The following ABHD6 variants were observed in gnomAD, a reference collection of about 807,000 sequenced individuals.
The protein encoded by ABHD6 is abhydrolase domain containing 6, acylglycerol lipase.
Under a neutral mutation model 38.8 loss-of-function variants are expected in ABHD6, and 33 were observed. The observed-to-expected ratio is 0.85, with a 90% confidence interval of 0.64 to 1.14. The LOEUF (loss-of-function observed/expected upper bound fraction) is 1.14, where lower values mean the gene tolerates loss of function less well. Among genes scored for constraint, ABHD6 ranks in the 50% most tolerant of loss-of-function variants. The pLI is 0.00. For synonymous variants in ABHD6, 147 were observed against 161.6 expected (o/e 0.91, Z 0.69); for missense variants, 380 against 422.6 (o/e 0.90, Z 0.88).
At chr3:58,271,582 C>T (rs2097444890) in intron 6 of ABHD6, among the ~76,000 whole-genome samples, 1 of 151,654 alleles carries the variant, frequency 6.6e-6, no homozygotes, top group Admixed American at 6.6e-5. Flanking sequence ...AAAAAAAATC[C>T]AGCTTTAGTT....
At position 58,287,404 on chromosome 3, in the gene ABHD6, C is replaced by T. The variant is rs1469993645; in HGVS notation, c.837+1951C>T. On this transcript the variant is annotated intron_variant, in intron 9 of 9. Coordinates refer to ENST00000478253, the MANE Select transcript of ABHD6 (RefSeq NM_001320126.2). This position sits in a 1 kb window ranked among gnomAD's most constrained non-coding sequence, Gnocchi z 4.7. ...CAAAGACCCACAAGTGCATGAATGA[C>T]CCAGGCAGGAGAGAGTGGGGAGGAG... is the stretch of plus-strand genomic sequence containing the variant. Among the ~76,000 whole-genome samples the T allele has an allele frequency of 6.6e-6, 1 of 152,138 alleles. No homozygotes were observed. The highest frequency in any genetic ancestry group is 1.5e-5 in the Non-Finnish European group (1 of 68,034).
At chr3:58,270,843 T>C (rs2097444313) in intron 5 of ABHD6, 89 bp from the exon 6 acceptor site, 6 of 1,400,320 alleles carry the variant, frequency 4.3e-6, no homozygotes, top group Non-Finnish European at 5.7e-6. Context: ...CAGTTGTCCA[T>C]AGGAAGTCCA....
At position 58,285,527 on chromosome 3, in the gene ABHD6, C is replaced by T; in HGVS notation, c.837+74C>T. 2 of 1,311,948 alleles carry T rather than the reference C, an allele frequency of 1.5e-6. No homozygotes were observed. The highest frequency in any genetic ancestry group is 1.2e-5 in the South Asian group (1 of 83,698). 81.3% of individuals were successfully genotyped at this position (1,311,948 alleles called of 1,614,324 possible). A position where few individuals can be genotyped will look rare whatever the true frequency, so the allele number is the denominator to read the frequency against. ...GAGGAAAAACGTCCTTGAGGAAGAA[C>T]AAGTGGTTATTTATGGAGTGAGCTG... is the stretch of plus-strand genomic sequence containing the variant. On this transcript the variant is annotated intron_variant, in intron 9 of 9. Coordinates refer to ENST00000478253, the MANE Select transcript of ABHD6 (RefSeq NM_001320126.2). The surrounding 1 kb of genome is among the most constrained non-coding windows in gnomAD (Gnocchi z 4.9).
At chr3:58,252,712 G>T (rs1303334324) in intron 2 of ABHD6, among the ~76,000 whole-genome samples, 1 of 152,188 alleles carries the variant, frequency 6.6e-6, no homozygotes, top group African/African-American at 2.4e-5. Flanking sequence ...GGAAACTCAA[G>T]TTACACTTCT....
intron 7 of ABHD6, among the ~76,000 whole-genome samples, chr3:58,279,210 C>T (rs1380688602): frequency 1.3e-5 from 2 of 152,162 alleles, no homozygotes; most frequent in Admixed American, 6.5e-5. Context: ...GTGTTAAAGT[C>T]TCCCATTATT....
chr3:58,242,908 T>G (rs1026036166), intron 1 of ABHD6, among the ~76,000 whole-genome samples: 3 of 152,146 alleles, frequency 2.0e-5, no homozygotes, highest in African/African-American at 7.2e-5. Context: ...TGTGTAATGT[T>G]CCCCACCCTG....
chr3:58,267,492 C>G lies in ABHD6; in HGVS notation c.276+147C>G. ...CCAGCCTGGACAACATAAAGAAACC[C>G]TGTCTCTACAAAAAATTAAAAAATT... On this transcript the variant is annotated intron_variant, in intron 4 of 9. Coordinates refer to ENST00000478253, the MANE Select transcript of ABHD6 (RefSeq NM_001320126.2). This position sits in a 1 kb window ranked among gnomAD's most constrained non-coding sequence, Gnocchi z 4.3. The G allele has an allele frequency of 9.4e-7, 1 of 1,062,816 alleles. No individual in the cohort carries two copies. The highest frequency in any genetic ancestry group is 1.4e-6 in the Non-Finnish European group (1 of 737,012). 65.8% of individuals were successfully genotyped at this position (1,062,816 alleles called of 1,614,324 possible). A position where few individuals can be genotyped will look rare whatever the true frequency, so the allele number is the denominator to read the frequency against.
chr3:58,291,142 C>T (rs1202442415), intron 9 of ABHD6, among the ~76,000 whole-genome samples: 3 of 151,460 alleles, frequency 2.0e-5, no homozygotes, highest in Admixed American at 6.6e-5. Context: ...CTCCGGAGGC[C>T]GAGGCTGGCG....
At chr3:58,283,977 A>G (rs1026710045) in intron 7 of ABHD6, among the ~76,000 whole-genome samples, 1 of 152,208 alleles carries the variant, frequency 6.6e-6, no homozygotes, top group Non-Finnish European at 1.5e-5. Flanking sequence ...CATAGCAGCC[A>G]TGGCTGGTTC....
chr3:58,250,310 C>A (rs549915251), intron 2 of ABHD6, among the ~76,000 whole-genome samples: 1 of 152,108 alleles, frequency 6.6e-6, no homozygotes, highest in East Asian at 1.9e-4. Context: ...GTGCTCTACA[C>A]CAAGGGGTCA....
At chr3:58,243,672 T>G (rs1048068925) in intron 1 of ABHD6, among the ~76,000 whole-genome samples, 5 of 151,846 alleles carry the variant, frequency 3.3e-5, no homozygotes, top group African/African-American at 1.2e-4. Flanking sequence ...AGTTTTCTTT[T>G]TTTTTTGAGA....
chr3:58,262,295 C>T (rs555698418), intron 3 of ABHD6, among the ~76,000 whole-genome samples: 40 of 152,176 alleles, frequency 2.6e-4, no homozygotes, highest in Non-Finnish European at 5.4e-4. Flanking sequence ...TGATCGTACA[C>T]TTGTTAAAAT....
chr3:58,258,369 A>C (rs1422510331), intron 3 of ABHD6: 2 of 442,910 alleles, frequency 4.5e-6, no homozygotes, highest in Admixed American at 4.9e-5. Flanking sequence ...AAACAGTCTT[A>C]TTAAATTGTA....
chr3:58,274,620 G>A (rs1250960388), intron 6 of ABHD6, 38 bp from the exon 7 acceptor site: 4 of 1,599,330 alleles, frequency 2.5e-6, no homozygotes, highest in Non-Finnish European at 2.6e-6. Flanking sequence ...GTAAGAAGGT[G>A]GATGTATCAT....
At position 58,251,919 on chromosome 3, in the gene ABHD6, G is replaced by A. The variant is rs975966264; in HGVS notation, c.-26+1977G>A. On this transcript the variant is annotated intron_variant, in intron 2 of 9. Transcript: ENST00000478253. The surrounding 1 kb of genome is among the most constrained non-coding windows in gnomAD (Gnocchi z 5.4). Reference sequence around the variant, plus strand: ...AACTCTATTAGGAAAGAAGATTCTTGTGGGAGCAAGCCAAATCCTACTCTT... The same window carrying A: ...AACTCTATTAGGAAAGAAGATTCTTATGGGAGCAAGCCAAATCCTACTCTT... 6.6e-6 allele frequency among the ~76,000 whole-genome samples: 1 copy of A among 152,214 alleles called. No homozygotes were observed. The highest frequency in any genetic ancestry group is 1.5e-5 in the Non-Finnish European group (1 of 68,042).
Position 58,267,721 on chromosome 3 carries a change from TG to T in ABHD6, c.276+377del, listed in dbSNP as rs2097442151. Among the ~76,000 whole-genome samples, 1 of 151,978 alleles carries T rather than the reference TG, an allele frequency of 6.6e-6. No individual in the cohort carries two copies. Among genetic ancestry groups the T allele is most frequent in the South Asian group, 2.1e-4 (1 of 4,808 alleles). On this transcript the variant is annotated intron_variant, in intron 4 of 9. Transcript: ENST00000478253. This position sits in a 1 kb window ranked among gnomAD's most constrained non-coding sequence, Gnocchi z 4.3. ...GAAAAGGGTTTCCACTAGGACATGATGTCATCAACAATGGTAGAAAGCAAAG... is the reference window on the plus strand; with the variant it reads ...GAAAAGGGTTTCCACTAGGACATGATTCATCAACAATGGTAGAAAGCAAAG...
rs2097440452 is a variant in ABHD6, at chr3:58,265,717, G to A, written c.120-1472G>A. On this transcript the variant is annotated intron_variant, in intron 3 of 9. Coordinates refer to ENST00000478253, the MANE Select transcript of ABHD6 (RefSeq NM_001320126.2). The surrounding 1 kb of genome is among the most constrained non-coding windows in gnomAD (Gnocchi z 4.2). Reference sequence around the variant, plus strand: ...GAAATTTGTTTGGCTTATTGTTCTGGAGGTTGGGAAGCCCAAGAGAATGGC... The same window carrying A: ...GAAATTTGTTTGGCTTATTGTTCTGAAGGTTGGGAAGCCCAAGAGAATGGC... Among the ~76,000 whole-genome samples, 1 of 152,186 alleles carries A rather than the reference G, an allele frequency of 6.6e-6. No individual in the cohort carries two copies.
At chr3:58,248,654 C>T (rs1198126018) in intron 1 of ABHD6, among the ~76,000 whole-genome samples, 2 of 152,008 alleles carry the variant, frequency 1.3e-5, no homozygotes, top group African/African-American at 2.4e-5. Flanking sequence ...GCTGAGATCG[C>T]GGCATTGCAC....
chr3:58,240,725 T>C (rs2097422188), intron 1 of ABHD6, among the ~76,000 whole-genome samples: 1 of 119,634 alleles, frequency 8.4e-6, no homozygotes, highest in Non-Finnish European at 1.6e-5. Context: ...CCACCAAACC[T>C]GGGTAATTTT....
Sources: gnomAD v4.1 joint callset for allele counts (sites outside exome capture counted in the v4.1 genomes callset) on GRCh38, gnomAD v4.1.1 for gene constraint, Gnocchi (gnomAD v3.1) non-coding constraint, MANE v1.5 for transcripts, NCBI Gene and HGNC (gene_info 2026-07-23, HGNC 2026-07-21) for gene names.